The following NOL4 variants were observed in gnomAD, a reference collection of about 807,000 sequenced individuals.
NOL4 encodes cancer/testis antigen 125.
A neutral mutation model predicts 75.9 loss-of-function variants in NOL4; 17 were observed. The ratio of observed to expected loss-of-function variants is 0.22; its 90% CI spans 0.15 to 0.34. The LOEUF is 0.34. Ranked by LOEUF, NOL4 falls within the 10% of genes least tolerant of loss-of-function variation. NOL4 has a pLI of 1.00. For synonymous variants in NOL4, 292 were observed against 289.9 expected (o/e 1.01, Z -0.07); for missense variants, 614 against 793.5 (o/e 0.77, Z 2.72).
intron 10 of NOL4, among the ~76,000 whole-genome samples, chr18:33,876,045 C>A (rs775992090): frequency 1.3e-5 from 2 of 152,010 alleles, no homozygotes; most frequent in Non-Finnish European, 1.5e-5. Flanking sequence ...AAGAATATAT[C>A]TCTTTTTGTT....
chr18:34,044,241 T>C (rs1447412885), intron 5 of NOL4, among the ~76,000 whole-genome samples: 1 of 152,096 alleles, frequency 6.6e-6, no homozygotes, highest in African/African-American at 2.4e-5. Flanking sequence ...ATTATGATCA[T>C]TTCAGGACCA....
intron 1 of NOL4, among the ~76,000 whole-genome samples, chr18:34,142,133 A>G (rs2081195280): frequency 6.6e-6 from 1 of 152,214 alleles, no homozygotes; most frequent in Admixed American, 6.5e-5. Flanking sequence ...ACAATGAGAT[A>G]CCATCTCAGA....
At chr18:33,891,839 G>A (rs2065114038) in intron 9 of NOL4, among the ~76,000 whole-genome samples, 1 of 152,104 alleles carries the variant, frequency 6.6e-6, no homozygotes, top group African/African-American at 2.4e-5. Flanking sequence ...GCACTAAGTA[G>A]CCAGATAATT....
chr18:34,007,188 G>A (rs577923676), intron 6 of NOL4, among the ~76,000 whole-genome samples: 53 of 152,068 alleles, frequency 3.5e-4, no homozygotes, highest in Admixed American at 7.2e-4. Context: ...TGTGCTGGCT[G>A]GGGTAATTGC....
chr18:33,920,072 C>A (rs1240088654), intron 9 of NOL4, among the ~76,000 whole-genome samples: 2 of 152,076 alleles, frequency 1.3e-5, no homozygotes, highest in African/African-American at 4.8e-5. Context: ...CTCTGCATAT[C>A]TATCATTGAT....
chr18:34,046,893 T>A (rs1475376599), intron 5 of NOL4, among the ~76,000 whole-genome samples: 1 of 151,858 alleles, frequency 6.6e-6, no homozygotes, highest in Non-Finnish European at 1.5e-5. Flanking sequence ...TTGTAATTTT[T>A]AAGGGTCCTA....
intron 10 of NOL4, among the ~76,000 whole-genome samples, chr18:33,863,754 T>C (rs1299919051): frequency 6.6e-6 from 1 of 152,118 alleles, no homozygotes; most frequent in Non-Finnish European, 1.5e-5. Context: ...GGTGGCCCTC[T>C]TCTAGGCAGT....
intron 1 of NOL4, among the ~76,000 whole-genome samples, chr18:34,221,761 C>G (rs921148050): frequency 1.2e-4 from 18 of 152,056 alleles, no homozygotes; most frequent in African/African-American, 4.3e-4. Context: ...ATTTCCAAAC[C>G]TAAAAGACCC....
At chr18:34,113,461 C>A (rs1303700900) in intron 2 of NOL4, among the ~76,000 whole-genome samples, 1 of 152,006 alleles carries the variant, frequency 6.6e-6, no homozygotes, top group Non-Finnish European at 1.5e-5. Context: ...CAACATAGAT[C>A]CTATCTCTAT....
chr18:34,024,194 A>AAAT lies in NOL4; in HGVS notation c.773-4594_773-4593insATT. ...CAAAATAAACAGGAAAAAAAAAAAA[A>AAAT]ATATATATATATATATATATAAAAT... is the stretch of plus-strand genomic sequence containing the variant. On this transcript the variant is annotated intron_variant, in intron 5 of 10. Coordinates refer to ENST00000261592, the MANE Select transcript of NOL4 (RefSeq NM_003787.5). Among the ~76,000 whole-genome samples, 525 of 70,688 alleles carry AAAT rather than the reference A, an allele frequency of 7.4e-3. 18 individuals are homozygous for AAAT. Among genetic ancestry groups the AAAT allele is most frequent in the African/African-American group, 0.023 (443 of 18,974 alleles). The allele number at this position is 70,688 out of a possible 152,430, so 46.4% of individuals were successfully genotyped here. A position where few individuals can be genotyped will look rare whatever the true frequency, so the allele number is the denominator to read the frequency against.
At chr18:34,187,014 G>A (rs1600827194) in intron 1 of NOL4, among the ~76,000 whole-genome samples, 1 of 152,126 alleles carries the variant, frequency 6.6e-6, no homozygotes, top group African/African-American at 2.4e-5. Flanking sequence ...CATCACAGTT[G>A]ATGAATCTAC....
chr18:33,940,546 C>T (rs941839161), intron 9 of NOL4, among the ~76,000 whole-genome samples: 10 of 151,674 alleles, frequency 6.6e-5, no homozygotes, highest in Non-Finnish European at 7.4e-5. Flanking sequence ...CGGGGCCTGT[C>T]GGGGAGTAGG....
intron 10 of NOL4, among the ~76,000 whole-genome samples, chr18:33,869,104 AT>A (rs1428632483): frequency 2.6e-5 from 4 of 151,902 alleles, no homozygotes; most frequent in Non-Finnish European, 5.9e-5. Flanking sequence ...GTATTCACAT[AT>A]TTTAAGTCCC....
At chr18:33,871,945 T>C (rs943013994) in intron 10 of NOL4, among the ~76,000 whole-genome samples, 30 of 152,062 alleles carry the variant, frequency 2.0e-4, no homozygotes, top group Non-Finnish European at 8.8e-5. Context: ...AGCTGCTTAA[T>C]TATATTCGCA....
chr18:34,135,569 C>T (rs756709707), intron 1 of NOL4, among the ~76,000 whole-genome samples: 6 of 150,756 alleles, frequency 4.0e-5, no homozygotes, highest in South Asian at 2.1e-4. Flanking sequence ...TGGCGGTGGG[C>T]GCCTGTAGTG....
At chr18:33,943,693 T>C (rs1366548211) in intron 8 of NOL4, among the ~76,000 whole-genome samples, 2 of 151,676 alleles carry the variant, frequency 1.3e-5, no homozygotes, top group African/African-American at 4.9e-5. Context: ...GTTTTAAATA[T>C]AAATAATTAA....
intron 5 of NOL4, among the ~76,000 whole-genome samples, chr18:34,073,429 A>G (rs886792177): frequency 6.6e-6 from 1 of 152,056 alleles, no homozygotes; most frequent in Non-Finnish European, 1.5e-5. Context: ...ATGATGTAGT[A>G]TTTGCATATA....
At chr18:34,027,013 T>G (rs2075376984) in intron 5 of NOL4, among the ~76,000 whole-genome samples, 1 of 152,198 alleles carries the variant, frequency 6.6e-6, no homozygotes, top group African/African-American at 2.4e-5. Context: ...AGAAAATGAA[T>G]TAATTTTAGA....
intron 1 of NOL4, chr18:34,222,173 T>C: frequency 2.7e-6 from 4 of 1,483,802 alleles, no homozygotes; most frequent in Non-Finnish European, 3.6e-6. Flanking sequence ...GGGCTCTCAA[T>C]GCCAGTGCCT....
Sources: gnomAD v4.1 joint callset for allele counts (sites outside exome capture counted in the v4.1 genomes callset) on GRCh38, gnomAD v4.1.1 for gene constraint, MANE v1.5 for transcripts, NCBI Gene and HGNC (gene_info 2026-07-23, HGNC 2026-07-21) for gene names.